Variants in VAV1 observed in about 807,000 individuals in gnomAD.
VAV1 encodes the protein proto-oncogene vav.
In VAV1, 33 loss-of-function variants were observed where a neutral mutation model predicts 128.1. The ratio of observed to expected loss-of-function variants is 0.26; its 90% CI spans 0.20 to 0.34. VAV1 has a LOEUF of 0.34. Among genes scored for constraint, VAV1 ranks in the 10% least tolerant of loss-of-function variants. The pLI is 1.00. For missense variants in VAV1, 715 were observed against 1,093.7 expected (o/e 0.65, Z 4.88); for synonymous variants, 394 against 409.8 (o/e 0.96, Z 0.47).
chr19:6,775,572 T>C (rs1052371152), intron 1 of VAV1, among the ~76,000 whole-genome samples: 19 of 152,198 alleles, frequency 1.2e-4, no homozygotes, highest in African/African-American at 4.6e-4. Flanking sequence ...TGTGCCCAGC[T>C]GTATCAGGCT....
chr19:6,789,260 C>CTTTTTTTTTTTTTTTTTTTTTT (rs771682522), intron 1 of VAV1, among the ~76,000 whole-genome samples: 1 of 144,936 alleles, frequency 6.9e-6, no homozygotes, highest in African/African-American at 2.5e-5. Flanking sequence ...CTCCTTTCTT[C>CTTTTTTTTTTTTTTTTTTTTTT]TTTTTTTTTT....
chr19:6,827,691 C>T lies in VAV1; in HGVS notation c.928-385C>T, dbSNP rs1452723975. On this transcript the variant is annotated intron_variant, in intron 9 of 26. Transcript: ENST00000602142. The stretch of plus-strand genomic sequence containing the variant: ...TCAGCTCAATGCCATCTCTGCCTCC[C>T]GGGTTCAAGCAATTCTCCTGCCTCA... 6.6e-5 allele frequency among the ~76,000 whole-genome samples: 10 copies of T among 151,760 alleles called. 1 individual carries two copies. Among genetic ancestry groups the T allele is most frequent in the South Asian group, 6.2e-4 (3 of 4,816 alleles).
chr19:6,857,077 C>T lies in VAV1; in HGVS notation c.2508C>T (p.Tyr836=), dbSNP rs771085140. 58 of 1,613,944 alleles carry T rather than the reference C, an allele frequency of 3.6e-5. 1 individual carries two copies. The highest frequency in any genetic ancestry group is 3.3e-4 in the Middle Eastern group (2 of 6,082). Residue 836 remains tyrosine (Y), a synonymous_variant, in exon 27 of 27, where the codon TAC becomes TAT. Transcript: ENST00000602142. ...YGRVGWFPAN[Y]VEEDYSEYC ...AGGTTGGCTGGTTCCCTGCCAACTA[C>T]GTGGAGGAAGATTATTCTGAATACT...
chr19:6,820,541 A>G lies in VAV1; in HGVS notation c.205-161A>G, dbSNP rs1449511255. ...AACATTCAGAGCATAGATCTGGATC[A>G]GGCACAACTTAATCTTTACCAGAAG... On this transcript the variant is annotated intron_variant, in intron 1 of 26. Coordinates refer to ENST00000602142, the MANE Select transcript of VAV1 (RefSeq NM_005428.4). The surrounding 1 kb of genome is among the most constrained non-coding windows in gnomAD (Gnocchi z 4.4). Among the ~76,000 whole-genome samples, 1 of 152,260 alleles carries G rather than the reference A, an allele frequency of 6.6e-6. No homozygotes were observed. Among genetic ancestry groups the G allele is most frequent in the Non-Finnish European group, 1.5e-5 (1 of 68,052 alleles).
chr19:6,806,940 T>C (rs975249497), intron 1 of VAV1, among the ~76,000 whole-genome samples: 6 of 152,252 alleles, frequency 3.9e-5, no homozygotes, highest in Non-Finnish European at 8.8e-5. Context: ...CTCATGGTGA[T>C]CCCAGTCTAC....
chr19:6,779,341 C>T (rs1599613694), intron 1 of VAV1, among the ~76,000 whole-genome samples: 1 of 150,800 alleles, frequency 6.6e-6, no homozygotes, highest in Non-Finnish European at 1.5e-5. Flanking sequence ...GCATGAGCCA[C>T]TGCACCCGGC....
rs1971984409 is a variant in VAV1 at position 6,828,946 on chromosome 19, G to GT, written c.1265+47dup. 1 of 1,604,282 alleles carries GT rather than the reference G, an allele frequency of 6.2e-7. No homozygotes were observed. Among genetic ancestry groups the GT allele is most frequent in the Non-Finnish European group, 8.5e-7 (1 of 1,172,548 alleles). On this transcript the variant is annotated intron_variant, in intron 13 of 26. Coordinates refer to ENST00000602142, the MANE Select transcript of VAV1 (RefSeq NM_005428.4). The surrounding 1 kb of genome is among the most constrained non-coding windows in gnomAD (Gnocchi z 4.5). Reference sequence around the variant, plus strand: ...TCTGGGATGGAGCCTGGGCAAAGGGGTGGGACCAGGCTCCTAGATGGGCAG... The same window carrying GT: ...TCTGGGATGGAGCCTGGGCAAAGGGGTTGGGACCAGGCTCCTAGATGGGCAG...
rs147489942 is a variant in VAV1, at chr19:6,801,124, T to G, written c.205-19578T>G. Among the ~76,000 whole-genome samples the G allele has an allele frequency of 2.1e-3, 327 of 152,306 alleles. 1 individual carries two copies. Among genetic ancestry groups the G allele is most frequent in the Admixed American group, 3.5e-3 (53 of 15,286 alleles). ...TCCTGGCTGGATTACATAAGCCCTG[T>G]AAGGGCAGAGCTCTGTTTGTCTTGA... On this transcript the variant is annotated intron_variant, in intron 1 of 26. Transcript: ENST00000602142.
At chr19:6,778,303 A>T (rs562866066) in intron 1 of VAV1, among the ~76,000 whole-genome samples, 24 of 152,282 alleles carry the variant, frequency 1.6e-4, no homozygotes, top group African/African-American at 5.8e-4. Context: ...AAGAGACTGG[A>T]GAGGAAAGAA....
At chr19:6,844,709 C>T (rs1331160971) in intron 22 of VAV1, among the ~76,000 whole-genome samples, 3 of 152,158 alleles carry the variant, frequency 2.0e-5, no homozygotes, top group East Asian at 3.9e-4. Context: ...CCTGCGTTAG[C>T]GCTCCTTCCG....
At chr19:6,817,967 T>C (rs1215535907) in intron 1 of VAV1, among the ~76,000 whole-genome samples, 2 of 152,188 alleles carry the variant, frequency 1.3e-5, no homozygotes, top group African/African-American at 4.8e-5. Context: ...ATTACAGGCA[T>C]GAGCCACCAC....
Position 6,826,546 on chromosome 19 carries a change from G to A in VAV1, c.828-66G>A. On this transcript the variant is annotated intron_variant, in intron 8 of 26. Transcript: ENST00000602142. The surrounding 1 kb of genome is among the most constrained non-coding windows in gnomAD (Gnocchi z 4.1). ...AGCGGGGAAGAGCAAGGCCAGGGCT[G>A]ACGCCAGCCTCTGCCCGACCTTGAT... 1 of 1,286,260 alleles carries A rather than the reference G, an allele frequency of 7.8e-7. No homozygotes were observed. The highest frequency in any genetic ancestry group is 1.1e-6 in the Non-Finnish European group (1 of 910,356). The allele number at this position is 1,286,260 out of a possible 1,614,324, so 79.7% of individuals were successfully genotyped here.
chr19:6,818,666 C>A (rs1971714432), intron 1 of VAV1, among the ~76,000 whole-genome samples: 1 of 152,128 alleles, frequency 6.6e-6, no homozygotes, highest in Non-Finnish European at 1.5e-5. Flanking sequence ...AGAATGAGGT[C>A]ATCTGTGTGG....
Position 6,857,179 on chromosome 19 carries a change from G to A in VAV1, c.*72G>A, listed in dbSNP as rs1157845357. On this transcript the variant is annotated 3_prime_UTR_variant, in exon 27 of 27. Coordinates refer to ENST00000602142, the MANE Select transcript of VAV1 (RefSeq NM_005428.4). ...CGGCGTGGGCAGGCAGCGGAGCCAG[G>A]GGCTGTGACAGCTCCCGGCGGGTGG... 6.2e-7 allele frequency: 1 copy of A among 1,603,594 alleles called. No individual in the cohort carries two copies. Among genetic ancestry groups the A allele is most frequent in the South Asian group, 1.1e-5 (1 of 90,294 alleles).
chr19:6,808,061 C>T (rs1295514297), intron 1 of VAV1, among the ~76,000 whole-genome samples: 5 of 151,106 alleles, frequency 3.3e-5, no homozygotes, highest in African/African-American at 4.9e-5. Flanking sequence ...GCCTATAATC[C>T]CAGCACTTTG....
chr19:6,820,731 C>T lies in VAV1; in HGVS notation c.234C>T (p.Phe78=). ...QFLCLKNIRT[F]LSTCCEKFGL... ...TGTGCCTTAAGAACATTAGAACCTT[C>T]CTGTCCACCTGCTGTGAGAAGTTCG... is the stretch of plus-strand genomic sequence containing the variant. The change falls in exon 2 of 27, where the codon TTC becomes TTT. Residue 78 remains phenylalanine, a synonymous_variant. Transcript: ENST00000602142. The surrounding 1 kb of genome is among the most constrained non-coding windows in gnomAD (Gnocchi z 4.4). 3.1e-6 allele frequency: 5 copies of T among 1,614,186 alleles called. No homozygotes were observed. The highest frequency in any genetic ancestry group is 4.2e-6 in the Non-Finnish European group (5 of 1,180,032).
chr19:6,825,490 A>T (rs2144777363), intron 8 of VAV1, 84 bp downstream of exon 8: 2 of 1,196,278 alleles, frequency 1.7e-6, no homozygotes, highest in East Asian at 5.1e-5. Flanking sequence ...ACCCTCAGAC[A>T]CCACTGGACG....
chr19:6,833,094 G>A, intron 15 of VAV1, 90 bp from the exon 16 acceptor site: 1 of 1,162,056 alleles, frequency 8.6e-7, no homozygotes, highest in African/African-American at 1.6e-5. Context: ...GCAAAACGTG[G>A]TCTGTTCATA....
chr19:6,829,832 G>A lies in VAV1; in HGVS notation c.1312G>A (p.Gly438Arg). 1 of 1,614,174 alleles carries A rather than the reference G, an allele frequency of 6.2e-7. No individual in the cohort carries two copies. The highest frequency in any genetic ancestry group is 8.5e-7 in the Non-Finnish European group (1 of 1,180,030). The change falls in exon 14 of 27, where the codon GGA (glycine) becomes AGA (arginine). Residue 438 changes from glycine to arginine, a missense_variant. By Grantham distance (125) the Gly-to-Arg change is moderately radical. Transcript: ENST00000602142. ...AGCTCTACTCATCTGTAAGCGCAGG[G>A]GAGACTCCTATGACCTCAAGGACTT... ...DKALLICKRRGDSYDLKDFVN... is the reference protein window; with the variant it reads ...DKALLICKRRRDSYDLKDFVN...
Sources: allele counts gnomAD v4.1 joint callset (sites outside exome capture counted in the v4.1 genomes callset), GRCh38; gene constraint gnomAD v4.1.1; non-coding constraint Gnocchi (gnomAD v3.1); transcripts MANE v1.5; gene names NCBI Gene and HGNC (gene_info 2026-07-23, HGNC 2026-07-21).